The following GULP1 variants were observed in gnomAD, a reference collection of about 807,000 sequenced individuals.
GULP1 encodes PTB domain-containing engulfment adapter protein 1.
Under a neutral mutation model 40.9 loss-of-function variants are expected in GULP1, and 19 were observed. That is an observed-to-expected ratio of 0.46 (90% CI 0.32 to 0.68). The LOEUF (loss-of-function observed/expected upper bound fraction) is 0.68. Ranked by LOEUF, GULP1 falls within the 30% of genes least tolerant of loss-of-function variation. The pLI is 0.03. For missense variants in GULP1, 312 were observed against 362.2 expected, an observed-to-expected ratio of 0.86 and a Z score of 1.12; for synonymous variants, 119 against 117.6, an observed-to-expected ratio of 1.01 and a Z score of -0.08.
chr2:188,340,420 G>T (rs538833472), intron 1 of GULP1, among the ~76,000 whole-genome samples: 1 of 152,120 alleles, frequency 6.6e-6, no homozygotes, highest in African/African-American at 2.4e-5. Context: ...CCTCGCGGGA[G>T]GGGGAGATGC....
chr2:188,476,590 T>A (rs960238938), intron 2 of GULP1, among the ~76,000 whole-genome samples: 6 of 152,122 alleles, frequency 3.9e-5, no homozygotes, highest in Non-Finnish European at 5.9e-5. Context: ...TGCAAATTTT[T>A]AAAAAATAGC....
intron 4 of GULP1, among the ~76,000 whole-genome samples, chr2:188,489,209 G>C (rs2062131563): frequency 6.6e-6 from 1 of 151,964 alleles, no homozygotes; most frequent in South Asian, 2.1e-4. Context: ...TTGAAAGTTG[G>C]GCAAAAGGTA....
chr2:188,341,341 C>T (rs2042941967), intron 1 of GULP1, among the ~76,000 whole-genome samples: 1 of 152,136 alleles, frequency 6.6e-6, no homozygotes, highest in South Asian at 2.1e-4. Flanking sequence ...TGAGAACTCA[C>T]TGTCACAGCA....
intron 10 of GULP1, among the ~76,000 whole-genome samples, chr2:188,586,146 G>A (rs914605257): frequency 6.6e-6 from 1 of 152,086 alleles, no homozygotes; most frequent in African/African-American, 2.4e-5. Context: ...TTGCTGAAGT[G>A]TAACAAGAGT....
rs146103142 is a variant in GULP1, at chr2:188,350,402, C to T, written c.-171-33361C>T. On this transcript the variant is annotated intron_variant, in intron 1 of 11. Transcript: ENST00000409830. ...TTTTTAGTTTTCAGTGAACACATTT[C>T]GCACTTTTTTGTTACATTTATTTTA... 6.8e-4 allele frequency among the ~76,000 whole-genome samples: 104 copies of T among 152,130 alleles called. 1 individual carries two copies. The highest frequency in any genetic ancestry group is 2.1e-3 in the African/African-American group (89 of 41,554).
chr2:188,461,403 C>T (rs1472741745), intron 2 of GULP1, among the ~76,000 whole-genome samples: 3 of 149,910 alleles, frequency 2.0e-5, no homozygotes, highest in Non-Finnish European at 4.4e-5. Flanking sequence ...TCACTGCAAC[C>T]TCCGCCTCCT....
At chr2:188,433,851 A>C (rs1283635577) in intron 2 of GULP1, among the ~76,000 whole-genome samples, 2 of 152,094 alleles carry the variant, frequency 1.3e-5, no homozygotes, top group African/African-American at 2.4e-5. Flanking sequence ...TAATTTAGCA[A>C]AAATTTACAT....
intron 1 of GULP1, among the ~76,000 whole-genome samples, chr2:188,329,602 C>CT (rs1226869261): frequency 6.6e-6 from 1 of 151,996 alleles, no homozygotes; most frequent in African/African-American, 2.4e-5. Flanking sequence ...CACAGAGTGC[C>CT]TTTATAGGGC....
chr2:188,359,212 C>T (rs1559147966), intron 1 of GULP1, among the ~76,000 whole-genome samples: 1 of 151,960 alleles, frequency 6.6e-6, no homozygotes, highest in African/African-American at 2.4e-5. Flanking sequence ...TATTTTTTAA[C>T]ATTAATTTAT....
At chr2:188,577,392 C>T (rs572060599) in intron 9 of GULP1, among the ~76,000 whole-genome samples, 1 of 152,136 alleles carries the variant, frequency 6.6e-6, no homozygotes, top group South Asian at 2.1e-4. Flanking sequence ...GTCTTAATTA[C>T]ACAACAAGCT....
chr2:188,576,991 T>C (rs534130873), intron 9 of GULP1, among the ~76,000 whole-genome samples: 1 of 152,254 alleles, frequency 6.6e-6, no homozygotes, highest in East Asian at 1.9e-4. Flanking sequence ...CTGCAGAAGA[T>C]TGTTTCATTA....
intron 7 of GULP1, among the ~76,000 whole-genome samples, chr2:188,554,956 G>A (rs1694380349): frequency 6.6e-6 from 1 of 151,804 alleles, no homozygotes; most frequent in Non-Finnish European, 1.5e-5. Flanking sequence ...TCTAAGTACA[G>A]CTATTTCTGC....
In GULP1 at chr2:188,587,954, C is replaced by G; in HGVS notation, c.843+5C>G. 2.8e-6 allele frequency: 4 copies of G among 1,409,548 alleles called. No individual in the cohort carries two copies. Among genetic ancestry groups the G allele is most frequent in the Non-Finnish European group, 4.0e-6 (4 of 993,238 alleles). The allele number at this position is 1,409,548 out of a possible 1,614,324, so 87.3% of individuals were successfully genotyped here. A position where few individuals can be genotyped will look rare whatever the true frequency, so the allele number is the denominator to read the frequency against. The stretch of plus-strand genomic sequence containing the variant: ...TCAAAATTAGATGAGATGCAGGTGA[C>G]TATTTTGATAGACTGGCCCATAAAT... On this transcript the variant is annotated splice_donor_5th_base_variant and intron_variant, in intron 11 of 11. Coordinates refer to ENST00000409830, the MANE Select transcript of GULP1 (RefSeq NM_016315.4).
chr2:188,436,184 A>G (rs1051829138), intron 2 of GULP1, among the ~76,000 whole-genome samples: 8 of 151,922 alleles, frequency 5.3e-5, no homozygotes, highest in African/African-American at 1.9e-4. Context: ...CAACCATCAC[A>G]GCTTGCCACC....
At chr2:188,352,618 T>TCTCTCACACACACACACACACACA (rs578003996) in intron 1 of GULP1, among the ~76,000 whole-genome samples, 1 of 134,406 alleles carries the variant, frequency 7.4e-6, no homozygotes, top group African/African-American at 2.9e-5. Context: ...TCTCTCTCTC[T>TCTCTCACACACACACACACACACA]CACACACACA....
chr2:188,389,586 A>G, intron 2 of GULP1, among the ~76,000 whole-genome samples: 1 of 152,200 alleles, frequency 6.6e-6, no homozygotes, highest in Admixed American at 6.5e-5. Context: ...TATATATTAA[A>G]TTGTTAAAAA....
intron 1 of GULP1, among the ~76,000 whole-genome samples, chr2:188,294,699 C>T (rs1380361161): frequency 6.6e-6 from 1 of 152,170 alleles, no homozygotes; most frequent in Non-Finnish European, 1.5e-5. Flanking sequence ...GTGAATCACC[C>T]TCAGCCAAAT....
At chr2:188,310,471 A>G (rs1442173512) in intron 1 of GULP1, among the ~76,000 whole-genome samples, 3 of 152,192 alleles carry the variant, frequency 2.0e-5, no homozygotes, top group African/African-American at 7.2e-5. Context: ...ATCATGTGTA[A>G]ATTGCAAGCT....
chr2:188,547,110 T>C (rs1360193748), intron 7 of GULP1, among the ~76,000 whole-genome samples: 1 of 151,972 alleles, frequency 6.6e-6, no homozygotes, highest in Non-Finnish European at 1.5e-5. Flanking sequence ...GAGAATTCTA[T>C]AAAATGTTTA....
Sources: gnomAD v4.1 joint callset for allele counts (sites outside exome capture counted in the v4.1 genomes callset) on GRCh38, gnomAD v4.1.1 for gene constraint, MANE v1.5 for transcripts, NCBI Gene and HGNC (gene_info 2026-07-23, HGNC 2026-07-21) for gene names.